METTL17: variants seen among roughly 807,000 people sequenced by gnomAD.
METTL17 encodes methyltransferase like 17, also known as ribosome assembly protein METTL17, mitochondrial.
In METTL17, 49 loss-of-function variants were observed where a neutral mutation model predicts 59.4. The ratio of observed to expected loss-of-function variants is 0.82; its 90% CI spans 0.66 to 1.05. The LOEUF (loss-of-function observed/expected upper bound fraction) is 1.05, where lower values mean the gene tolerates loss of function less well. METTL17 is among the 50% of genes least tolerant of loss of function. METTL17 has a pLI of 0.00. For synonymous variants in METTL17, 208 were observed against 209.2 expected (o/e 0.99, Z 0.05); for missense variants, 555 against 578.4 (o/e 0.96, Z 0.41).
chr14:20,996,963 A>C lies in METTL17; in HGVS notation c.*73A>C. The C allele has an allele frequency of 6.8e-7, 1 of 1,468,838 alleles. No individual in the cohort carries two copies. 91.0% of individuals were successfully genotyped at this position (1,468,838 alleles called of 1,614,324 possible). ...AAGCTGCCTGGTATCCAGGAGGGGA[A>C]TGCTGGTATCCCCATATGTCTGTGT... On this transcript the variant is annotated 3_prime_UTR_variant, in exon 14 of 14. Coordinates refer to ENST00000339374, the MANE Select transcript of METTL17 (RefSeq NM_022734.3).
At chr14:20,992,393 G>A in intron 4 of METTL17, 148 bp from the exon 5 acceptor site, 1 of 748,216 alleles carries the variant, frequency 1.3e-6, no homozygotes. Flanking sequence ...TTTAGTGTTT[G>A]TAAGTCTCCC....
At chr14:20,990,815 T>TTTGA (rs1376770688) in intron 3 of METTL17, 3 of 594,384 alleles carry the variant, frequency 5.0e-6, no homozygotes, top group Non-Finnish European at 8.6e-6. Flanking sequence ...CTGTTTTTTG[T>TTTGA]TTGTTTGTTT....
chr14:20,992,033 C>A, intron 3 of METTL17, 91 bp from the exon 4 acceptor site: 1 of 1,157,156 alleles, frequency 8.6e-7, no homozygotes, highest in Non-Finnish European at 1.3e-6. Context: ...TAGGTGGAGT[C>A]GGGGAGGACT....
rs961125576 is a variant in METTL17 at position 20,993,261 on chromosome 14, A to G, written c.602+70A>G. On this transcript the variant is annotated intron_variant, in intron 6 of 13. Transcript: ENST00000339374. The stretch of plus-strand genomic sequence containing the variant: ...GAAAGCCATACTTACACCACTCCAA[A>G]ATTAACAGACTGGAAAACCAGAGGG... 1.5e-5 allele frequency: 19 copies of G among 1,271,538 alleles called. No individual in the cohort carries two copies. The South Asian group carries it at 2.1e-4, about 14-fold the overall frequency. 78.8% of individuals were successfully genotyped at this position (1,271,538 alleles called of 1,614,324 possible).
At position 20,994,791 on chromosome 14, in the gene METTL17, C is replaced by T; in HGVS notation, c.769-3C>T. The stretch of plus-strand genomic sequence containing the variant: ...CTGTCATGTTCCTTGTCTTGGTCCT[C>T]AGGTGCAGTTTGATGTAGTAGTGTC... On this transcript the variant is annotated splice_polypyrimidine_tract_variant and splice_region_variant and intron_variant, in intron 8 of 13. Coordinates refer to ENST00000339374, the MANE Select transcript of METTL17 (RefSeq NM_022734.3). The T allele has an allele frequency of 1.2e-6, 2 of 1,612,008 alleles. No homozygotes were observed. Among genetic ancestry groups the T allele is most frequent in the South Asian group, 1.1e-5 (1 of 90,976 alleles).
intron 6 of METTL17, 50 bp from the exon 7 acceptor site, chr14:20,993,919 T>C: frequency 1.4e-6 from 2 of 1,432,346 alleles, no homozygotes; most frequent in Non-Finnish European, 2.0e-6. Flanking sequence ...CTTGTAGAGA[T>C]GACTCTTGGT....
chr14:20,992,233 G>C (rs748857486), intron 4 of METTL17, 28 bp downstream of exon 4: 4 of 1,403,464 alleles, frequency 2.9e-6, no homozygotes, highest in South Asian at 1.2e-5. Flanking sequence ...AGGTGCACAA[G>C]AAAGCAAAGG....
intron 5 of METTL17, 79 bp from the exon 6 acceptor site, chr14:20,993,039 T>C (rs1405363259): frequency 1.2e-5 from 15 of 1,201,906 alleles, no homozygotes; most frequent in Non-Finnish European, 1.9e-5. Flanking sequence ...TCCTCTGTGA[T>C]AGCCTCCTAA....
In METTL17 at chr14:20,990,073, C is replaced by A; in HGVS notation, c.71C>A (p.Ala24Asp). 6.2e-6 allele frequency: 10 copies of A among 1,613,138 alleles called. No individual in the cohort carries two copies. Among genetic ancestry groups the A allele is most frequent in the Non-Finnish European group, 7.6e-6 (9 of 1,180,020 alleles). Residue 24 changes from alanine to aspartate, a missense_variant, in exon 1 of 14, where the codon GCC becomes GAC. Ala to Asp is a moderately radical substitution (Grantham distance 126). Transcript: ENST00000339374. ...WCPGLGVAPQ[A>D]RALAALVPGV... is the part of the protein sequence containing the mutation. ...CCCGGCCTTGGAGTGGCTCCCCAGG[C>A]CCGGGTGAGTGCCTACATTCCCTGC...
At position 20,992,189 on chromosome 14, in the gene METTL17, C is replaced by T; in HGVS notation, c.430C>T (p.His144Tyr). The change falls in exon 4 of 14, where the codon CAT (histidine) becomes TAT (tyrosine). Residue 144 changes from histidine (H) to tyrosine (Y), a missense_variant. Physicochemically the swap from His to Tyr is moderately conservative, Grantham distance 83. Coordinates refer to ENST00000339374, the MANE Select transcript of METTL17 (RefSeq NM_022734.3). ...VLHALRKTTY[H>Y]WQELSYTEGL... ...ACACGCACTACGTAAAACTACCTAC[C>T]ATTGGCAAGAACTGAGGTAAGGGGG... is the stretch of plus-strand genomic sequence containing the variant. 1.9e-6 allele frequency: 3 copies of T among 1,607,256 alleles called. No individual in the cohort carries two copies. The highest frequency in any genetic ancestry group is 2.5e-6 in the Non-Finnish European group (3 of 1,177,494).
At chr14:20,993,459 T>TA in intron 6 of METTL17, 1 of 470,240 alleles carries the variant, frequency 2.1e-6, no homozygotes, top group Non-Finnish European at 3.7e-6. Flanking sequence ...TGCCTACAAA[T>TA]AGTATTTTGA....
chr14:20,996,506 T>C, intron 12 of METTL17, 21 bp from the exon 13 acceptor site: 1 of 1,597,036 alleles, frequency 6.3e-7, no homozygotes, highest in Non-Finnish European at 8.6e-7. Context: ...TTCTAAACAG[T>C]CTCTATGTTC....
At chr14:20,993,444 GT>G in intron 6 of METTL17, 1 of 467,532 alleles carries the variant, frequency 2.1e-6, no homozygotes, top group Non-Finnish European at 3.7e-6. Context: ...AATCAAAGTT[GT>G]TTTTGCCTAC....
intron 12 of METTL17, 24 bp from the exon 13 acceptor site, chr14:20,996,502 AC>A: frequency 1.3e-6 from 2 of 1,590,894 alleles, no homozygotes; most frequent in Non-Finnish European, 8.6e-7. Context: ...TTTCTTCTAA[AC>A]AGTCTCTATG....
At chr14:20,995,317 A>G in intron 10 of METTL17, 84 bp downstream of exon 10, 1 of 1,199,300 alleles carries the variant, frequency 8.3e-7, no homozygotes, top group Non-Finnish European at 1.2e-6. Flanking sequence ...ACTGTCATGT[A>G]TTGACAAGGG....
chr14:20,995,102 C>T, intron 9 of METTL17, 63 bp from the exon 10 acceptor site: 1 of 1,456,734 alleles, frequency 6.9e-7, no homozygotes, highest in Non-Finnish European at 9.6e-7. Flanking sequence ...TCTTACACAG[C>T]TACTGACATT....
chr14:20,994,551 G>A lies in METTL17; in HGVS notation c.706G>A (p.Glu236Lys). 1 of 1,614,180 alleles carries A rather than the reference G, an allele frequency of 6.2e-7. No homozygotes were observed. Among genetic ancestry groups the A allele is most frequent in the Non-Finnish European group, 8.5e-7 (1 of 1,179,998 alleles). Residue 236 changes from glutamate (E) to lysine (K), a missense_variant, in exon 8 of 14, where the codon GAA becomes AAA. Physicochemically the swap from Glu to Lys is moderately conservative, Grantham distance 56 (BLOSUM62 1). Coordinates refer to ENST00000339374, the MANE Select transcript of METTL17 (RefSeq NM_022734.3). The stretch of plus-strand genomic sequence containing the variant: ...TCTTCTTTTCTCCACAGGTGGTTCA[G>A]AATCTGGGGAGCCTTATATTCCAGG... ...LAEKLLKGGS[E>K]SGEPYIPGVF...
Position 20,990,508 on chromosome 14 carries a change from A to G in METTL17, c.274A>G (p.Ser92Gly). 2.5e-6 allele frequency: 4 copies of G among 1,614,232 alleles called. No individual in the cohort carries two copies. The highest frequency in any genetic ancestry group is 3.4e-6 in the Non-Finnish European group (4 of 1,180,036). Reference sequence around the variant, plus strand: ...GGAGAATCAGGTGCAAACACTGACCAGTTATCTCTGGAGCAGACATTTGCC... The same window carrying G: ...GGAGAATCAGGTGCAAACACTGACCGGTTATCTCTGGAGCAGACATTTGCC... ...TMENQVQTLT[S>G]YLWSRHLPVE... The change falls in exon 3 of 14, where the codon AGT becomes GGT. Residue 92 changes from serine (S) to glycine (G), a missense_variant. Physicochemically the swap from Ser to Gly is moderately conservative, Grantham distance 56. Transcript: ENST00000339374.
chr14:20,996,445 G>A, intron 12 of METTL17, 82 bp from the exon 13 acceptor site: 1 of 1,525,372 alleles, frequency 6.6e-7, no homozygotes, highest in Non-Finnish European at 8.9e-7. Flanking sequence ...AAAAAGGACT[G>A]CAGGAATGGG....
Sources: allele counts gnomAD v4.1 joint callset, GRCh38; gene constraint gnomAD v4.1.1; transcripts MANE v1.5; gene names NCBI Gene and HGNC (gene_info 2026-07-23, HGNC 2026-07-21).